Variants in MMADHC observed in about 807,000 individuals in gnomAD.
The protein encoded by MMADHC is cobalamin trafficking protein CblD.
MMADHC carries 23 observed loss-of-function variants against 36.3 expected under a neutral mutation model. That is an observed-to-expected ratio of 0.63 (90% CI 0.46 to 0.90). MMADHC has a LOEUF of 0.90. Among genes scored for constraint, MMADHC ranks in the 40% least tolerant of loss-of-function variants. The probability of loss-of-function intolerance (pLI) is 0.00; values close to 1 mark genes in which losing one functional copy is unlikely to be tolerated. For missense variants in MMADHC, 330 were observed against 348.0 expected, an observed-to-expected ratio of 0.95 and a Z score of 0.41; for synonymous variants, 97 against 116.1, an observed-to-expected ratio of 0.84 and a Z score of 1.06.
Position 149,569,880 on chromosome 2 carries a change from A to T in MMADHC, c.*94T>A, listed in dbSNP as rs1682612096. ...ATAAATGCTGAAATAAATACTTAGA[A>T]ATAAATATATTTTAAAAACTTTAGT... On this transcript the variant is annotated 3_prime_UTR_variant, in exon 8 of 8. Coordinates refer to ENST00000303319, the MANE Select transcript of MMADHC (RefSeq NM_015702.3). The T allele has an allele frequency of 9.3e-7, 1 of 1,080,146 alleles. No homozygotes were observed. The highest frequency in any genetic ancestry group is 1.4e-5 in the South Asian group (1 of 69,574). 66.9% of individuals were successfully genotyped at this position (1,080,146 alleles called of 1,614,324 possible). A position where few individuals can be genotyped will look rare whatever the true frequency, so the allele number is the denominator to read the frequency against.
chr2:149,572,252 T>A (rs920366018), intron 6 of MMADHC: 13 of 425,678 alleles, frequency 3.1e-5, no homozygotes, highest in Non-Finnish European at 5.6e-5. Context: ...AGCAGAAGAA[T>A]TGCTTGAACC....
At chr2:149,575,140 T>TA (rs1682694526) in intron 6 of MMADHC, among the ~76,000 whole-genome samples, 4 of 152,178 alleles carry the variant, frequency 2.6e-5, no homozygotes. Flanking sequence ...CCTGTGATAT[T>TA]AATACTATGC....
chr2:149,587,157 A>C lies in MMADHC; in HGVS notation c.-52-8T>G. 6.5e-7 allele frequency: 1 copy of C among 1,539,970 alleles called. No homozygotes were observed. The highest frequency in any genetic ancestry group is 9.0e-7 in the Non-Finnish European group (1 of 1,112,832). On this transcript the variant is annotated splice_region_variant and splice_polypyrimidine_tract_variant and intron_variant, in intron 1 of 7. Coordinates refer to ENST00000303319, the MANE Select transcript of MMADHC (RefSeq NM_015702.3). ...CCTTTGGTAAAGTTATTTCTGGGAA[A>C]GAACACAACAAAACAGACGAGTGAT... is the stretch of plus-strand genomic sequence containing the variant.
At chr2:149,570,920 G>A (rs1303548623) in intron 7 of MMADHC, among the ~76,000 whole-genome samples, 165 bp downstream of exon 7, 1 of 152,102 alleles carries the variant, frequency 6.6e-6, no homozygotes, top group Non-Finnish European at 1.5e-5. Flanking sequence ...GAGTGATAGA[G>A]GTCTCTCAAA....
chr2:149,572,168 A>G, intron 6 of MMADHC: 1 of 405,340 alleles, frequency 2.5e-6, no homozygotes, highest in Non-Finnish European at 4.8e-6. Context: ...TATTAAGACC[A>G]GATTACAATG....
At position 149,570,154 on chromosome 2, in the gene MMADHC, A is replaced by G. The variant is rs1682617731; in HGVS notation, c.711T>C (p.Tyr237=). The change falls in exon 8 of 8, where the codon TAT becomes TAC. Residue 237 remains tyrosine, a synonymous_variant. Coordinates refer to ENST00000303319, the MANE Select transcript of MMADHC (RefSeq NM_015702.3). ...PSSGLAFFGP[Y]TNNTLFETDE... Reference sequence around the variant, plus strand: ...CAGTTTCAAAAAGAGTGTTGTTTGTATATGGTCCAAAAAACTGAGGAAATA... The same window carrying G: ...CAGTTTCAAAAAGAGTGTTGTTTGTGTATGGTCCAAAAAACTGAGGAAATA... 1.9e-6 allele frequency: 3 copies of G among 1,613,516 alleles called. No individual in the cohort carries two copies. Among genetic ancestry groups the G allele is most frequent in the South Asian group, 1.1e-5 (1 of 91,056 alleles).
intron 2 of MMADHC, among the ~76,000 whole-genome samples, chr2:149,584,327 G>C (rs962653614): frequency 6.6e-6 from 1 of 152,102 alleles, no homozygotes; most frequent in Non-Finnish European, 1.5e-5. Flanking sequence ...GACACTATGG[G>C]TCCAAGTTCT....
chr2:149,585,542 C>T (rs1254236938), intron 2 of MMADHC, among the ~76,000 whole-genome samples: 1 of 152,220 alleles, frequency 6.6e-6, no homozygotes, highest in African/African-American at 2.4e-5. Flanking sequence ...AGAAATTTGG[C>T]TCTTCTTGAA....
At chr2:149,582,570 G>A (rs1409013013) in intron 2 of MMADHC, among the ~76,000 whole-genome samples, 1 of 152,128 alleles carries the variant, frequency 6.6e-6, no homozygotes, top group Non-Finnish European at 1.5e-5. Flanking sequence ...GTCTTATTTA[G>A]ACACAACACT....
rs767537325 is a variant in MMADHC, at chr2:149,579,663, CA to C, written c.155-16del. 2.5e-6 allele frequency: 4 copies of C among 1,603,698 alleles called. No individual in the cohort carries two copies. The African/African-American group carries it at 5.4e-5, about 21-fold the overall frequency. ...TGTTCGAGAGCCTGAAGAGAAACAACAAAAGGAACAGTTTCTCCTTAATAGT... is the reference window on the plus strand; with the variant it reads ...TGTTCGAGAGCCTGAAGAGAAACAACAAAGGAACAGTTTCTCCTTAATAGT... On this transcript the variant is annotated splice_polypyrimidine_tract_variant and intron_variant, in intron 3 of 7. Coordinates refer to ENST00000303319, the MANE Select transcript of MMADHC (RefSeq NM_015702.3).
Position 149,579,492 on chromosome 2 carries a change from G to A in MMADHC, c.311C>T (p.Ala104Val), listed in dbSNP as rs533388008. The stretch of plus-strand genomic sequence containing the variant: ...ATGTCTTTCACTTGATAAAGGTTCT[G>A]CTAGAACATCAGGCAAAGTTTTATG... ...LVHKTLPDVLAEPLSSERHEF... is the reference protein window; with the variant it reads ...LVHKTLPDVLVEPLSSERHEF... The change falls in exon 4 of 8, where the codon GCA becomes GTA. Residue 104 changes from alanine to valine, a missense_variant. Physicochemically the swap from Ala to Val is moderately conservative, Grantham distance 64 (BLOSUM62 0). Coordinates refer to ENST00000303319, the MANE Select transcript of MMADHC (RefSeq NM_015702.3). The A allele has an allele frequency of 5.0e-6, 8 of 1,612,776 alleles. No individual in the cohort carries two copies. In the South Asian group the frequency reaches 8.8e-5, roughly 18 times the overall value.
In MMADHC at chr2:149,571,763, G is replaced by C. The variant is rs921874238; in HGVS notation, c.610-592C>G. ...CCACTGCACTCCAGCCTGGGCGACAGAGCGAGACTCCATCTCAAAAAAAAA... is the reference window on the plus strand; with the variant it reads ...CCACTGCACTCCAGCCTGGGCGACACAGCGAGACTCCATCTCAAAAAAAAA... On this transcript the variant is annotated intron_variant, in intron 6 of 7. Transcript: ENST00000303319. Among the ~76,000 whole-genome samples the C allele has an allele frequency of 2.8e-5, 4 of 144,972 alleles. No homozygotes were observed. The Admixed American group carries it at 2.8e-4, about 10-fold the overall frequency.
At position 149,587,161 on chromosome 2, in the gene MMADHC, CACA is replaced by C. The variant is rs1682884766; in HGVS notation, c.-52-15_-52-13del. On this transcript the variant is annotated splice_polypyrimidine_tract_variant and intron_variant, in intron 1 of 7. Transcript: ENST00000303319. ...TGGTAAAGTTATTTCTGGGAAAGAA[CACA>C]ACAAAACAGACGAGTGATCGATTAA... 2 of 1,497,902 alleles carry C rather than the reference CACA, an allele frequency of 1.3e-6. No individual in the cohort carries two copies. The highest frequency in any genetic ancestry group is 1.7e-4 in the Middle Eastern group (1 of 5,826). 92.8% of individuals were successfully genotyped at this position (1,497,902 alleles called of 1,614,324 possible).
chr2:149,585,199 C>G (rs1308544047), intron 2 of MMADHC, among the ~76,000 whole-genome samples: 1 of 152,164 alleles, frequency 6.6e-6, no homozygotes, highest in Non-Finnish European at 1.5e-5. Context: ...GTCAAAATTA[C>G]AGCAGAGAGT....
intron 4 of MMADHC, among the ~76,000 whole-genome samples, chr2:149,576,944 A>C (rs1396342195): frequency 6.6e-6 from 1 of 152,192 alleles, no homozygotes; most frequent in Non-Finnish European, 1.5e-5. Flanking sequence ...ATACATGACT[A>C]AATAATACAG....
intron 2 of MMADHC, among the ~76,000 whole-genome samples, chr2:149,584,564 T>G (rs1283048143): frequency 1.3e-5 from 2 of 152,202 alleles, no homozygotes; most frequent in Non-Finnish European, 2.9e-5. Flanking sequence ...TATTTTGACA[T>G]TCTTTTCTTG....
chr2:149,576,090 C>T (rs550867360), intron 5 of MMADHC, among the ~76,000 whole-genome samples: 91 of 152,022 alleles, frequency 6.0e-4, no homozygotes, highest in Non-Finnish European at 1.2e-3. Flanking sequence ...TAGGATTACA[C>T]GTTATTTGGG....
Position 149,575,852 on chromosome 2 carries a change from G to C in MMADHC, c.479-11C>G. 6.3e-7 allele frequency: 1 copy of C among 1,584,944 alleles called. No homozygotes were observed. Among genetic ancestry groups the C allele is most frequent in the Non-Finnish European group, 8.6e-7 (1 of 1,158,012 alleles). On this transcript the variant is annotated splice_polypyrimidine_tract_variant and intron_variant, in intron 5 of 7. Transcript: ENST00000303319. Reference sequence around the variant, plus strand: ...ACAGTGATTCAAAATCTACAAATAAGAATAAACATTCCAGGTAGAAAAGAA... The same window carrying C: ...ACAGTGATTCAAAATCTACAAATAACAATAAACATTCCAGGTAGAAAAGAA...
chr2:149,586,232 A>C lies in MMADHC; in HGVS notation c.9+857T>G, dbSNP rs1027268170. ...TTAAAGAATGAAGTCTAAATTACTGAGTTCGGCATTCAAGGCTCTCATTTA... is the reference window on the plus strand; with the variant it reads ...TTAAAGAATGAAGTCTAAATTACTGCGTTCGGCATTCAAGGCTCTCATTTA... On this transcript the variant is annotated intron_variant, in intron 2 of 7. Transcript: ENST00000303319. 3.3e-5 allele frequency among the ~76,000 whole-genome samples: 5 copies of C among 152,368 alleles called. No individual in the cohort carries two copies. The East Asian group carries it at 9.6e-4, about 29-fold the overall frequency.
Sources: allele counts gnomAD v4.1 joint callset (sites outside exome capture counted in the v4.1 genomes callset), GRCh38; gene constraint gnomAD v4.1.1; transcripts MANE v1.5; gene names NCBI Gene and HGNC (gene_info 2026-07-23, HGNC 2026-07-21).